The following TBC1D5 variants were observed in gnomAD, a reference collection of about 807,000 sequenced individuals.
TBC1D5 encodes TBC1 domain family member 5.
A neutral mutation model predicts 100.3 loss-of-function variants in TBC1D5; 75 were observed. The ratio of observed to expected loss-of-function variants is 0.75; its 90% confidence interval spans 0.62 to 0.91. The LOEUF is 0.91. Ranked by LOEUF, TBC1D5 falls within the 40% of genes least tolerant of loss-of-function variation. The pLI is 0.00. For synonymous variants in TBC1D5, 323 were observed against 325.6 expected (o/e 0.99, Z 0.09); for missense variants, 910 against 942.4 (o/e 0.97, Z 0.45).
intron 2 of TBC1D5, among the ~76,000 whole-genome samples, chr3:17,509,295 ACAAACAGTCT>A (rs1396503289): frequency 6.6e-6 from 1 of 151,942 alleles, no homozygotes; most frequent in Non-Finnish European, 1.5e-5. Flanking sequence ...GTTCAATACT[ACAAACAGTCT>A]CAAAAATAAA....
chr3:17,572,683 CAT>C (rs1458789859), intron 2 of TBC1D5, among the ~76,000 whole-genome samples: 1 of 152,060 alleles, frequency 6.6e-6, no homozygotes, highest in African/African-American at 2.4e-5. Flanking sequence ...AGGCACATTA[CAT>C]AGAGATGTCA....
At chr3:17,558,234 A>G (rs1576692895) in intron 2 of TBC1D5, among the ~76,000 whole-genome samples, 1 of 152,286 alleles carries the variant, frequency 6.6e-6, no homozygotes, top group Non-Finnish European at 1.5e-5. Context: ...TGATTTCAAC[A>G]ATTTGTTTAC....
At chr3:17,265,288 A>T (rs1298487698) in intron 15 of TBC1D5, among the ~76,000 whole-genome samples, 3 of 152,232 alleles carry the variant, frequency 2.0e-5, no homozygotes, top group Admixed American at 1.3e-4. Context: ...AACAGGAAAA[A>T]ATATTTACAG....
intron 1 of TBC1D5, among the ~76,000 whole-genome samples, chr3:17,643,412 T>G (rs1187097049): frequency 6.6e-6 from 1 of 152,082 alleles, no homozygotes; most frequent in African/African-American, 2.4e-5. Context: ...ATTAAACATC[T>G]CATGAATATA....
chr3:17,430,972 A>C (rs1389484263), intron 3 of TBC1D5, among the ~76,000 whole-genome samples: 2 of 151,966 alleles, frequency 1.3e-5, no homozygotes, highest in South Asian at 2.1e-4. Context: ...ATGATAAAAA[A>C]CATATCTGTA....
At position 17,163,263 on chromosome 3, in the gene TBC1D5, C is replaced by G. The variant is rs867649212; in HGVS notation, c.2095-2007G>C. Among the ~76,000 whole-genome samples, 33 of 75,810 alleles carry G rather than the reference C, an allele frequency of 4.4e-4. No individual in the cohort carries two copies. In the South Asian group the frequency reaches 4.4e-3, roughly 10 times the overall value. The allele number at this position is 75,810 out of a possible 152,430, so 49.7% of individuals were successfully genotyped here. ...GCCATTTTCTTTTATTGACCCCCCCCCCTTCCTTGCCCCTTTGCATTACAG... is the reference window on the plus strand; with the variant it reads ...GCCATTTTCTTTTATTGACCCCCCCGCCTTCCTTGCCCCTTTGCATTACAG... On this transcript the variant is annotated intron_variant, in intron 21 of 21. Coordinates refer to ENST00000253692, the Ensembl canonical transcript of TBC1D5.
At chr3:17,532,282 T>C (rs2096237214) in intron 2 of TBC1D5, among the ~76,000 whole-genome samples, 1 of 151,992 alleles carries the variant, frequency 6.6e-6, no homozygotes. Context: ...AAAACCACAA[T>C]GAGATACCAT....
chr3:17,509,781 A>AAAT (rs2095882137), intron 2 of TBC1D5, among the ~76,000 whole-genome samples: 1 of 152,030 alleles, frequency 6.6e-6, no homozygotes, highest in African/African-American at 2.4e-5. Flanking sequence ...CTGTATCTCC[A>AAAT]GTATAATATC....
intron 13 of TBC1D5, among the ~76,000 whole-genome samples, chr3:17,308,903 A>C (rs2083687494): frequency 6.6e-6 from 1 of 152,070 alleles, no homozygotes; most frequent in Non-Finnish European, 1.5e-5. Flanking sequence ...ACTTTCAATA[A>C]ATGTTAAACT....
At chr3:17,416,477 G>A (rs1364973620) in intron 4 of TBC1D5, among the ~76,000 whole-genome samples, 2 of 152,142 alleles carry the variant, frequency 1.3e-5, no homozygotes, top group East Asian at 3.8e-4. Flanking sequence ...AATTTTTAAA[G>A]TAACAACTAT....
intron 1 of TBC1D5, among the ~76,000 whole-genome samples, chr3:17,703,955 G>T: frequency 2.1e-5 from 3 of 141,468 alleles, no homozygotes; most frequent in South Asian, 2.3e-4. Context: ...ATAATTCTTG[G>T]GTGTTTCTCA....
chr3:17,345,630 T>C (rs1457392645), intron 13 of TBC1D5, among the ~76,000 whole-genome samples: 13 of 151,788 alleles, frequency 8.6e-5, no homozygotes, highest in Admixed American at 1.3e-4. Flanking sequence ...CGTATGTTTA[T>C]TGCGGCACTA....
chr3:17,159,879 C>T (rs978301441), exon 22 of TBC1D5: 1 of 152,232 alleles, frequency 6.6e-6, no homozygotes, highest in East Asian at 1.9e-4. Flanking sequence ...CTCTAGGTAT[C>T]CTTATTCCCC....
At chr3:17,467,827 G>A (rs2095326015) in intron 3 of TBC1D5, among the ~76,000 whole-genome samples, 1 of 151,910 alleles carries the variant, frequency 6.6e-6, no homozygotes, top group Admixed American at 6.6e-5. Flanking sequence ...AACCCGGGAG[G>A]CAGAGATTGC....
chr3:17,594,898 A>G (rs1282502531), intron 2 of TBC1D5, among the ~76,000 whole-genome samples: 1 of 152,166 alleles, frequency 6.6e-6, no homozygotes, highest in African/African-American at 2.4e-5. Flanking sequence ...GATACAAAGT[A>G]TTGATCCTGG....
At chr3:17,474,661 C>T (rs1206754029) in intron 3 of TBC1D5, among the ~76,000 whole-genome samples, 1 of 152,100 alleles carries the variant, frequency 6.6e-6, no homozygotes, top group Non-Finnish European at 1.5e-5. Context: ...AACCAACCAA[C>T]AATTCACACT....
intron 2 of TBC1D5, among the ~76,000 whole-genome samples, chr3:17,606,072 C>A (rs180918478): frequency 6.6e-6 from 1 of 152,284 alleles, no homozygotes; most frequent in African/African-American, 2.4e-5. Flanking sequence ...ACTGCCCACA[C>A]CTCCCCTTCT....
At chr3:17,212,675 C>A (rs1346054017) in intron 18 of TBC1D5, among the ~76,000 whole-genome samples, 1 of 151,528 alleles carries the variant, frequency 6.6e-6, no homozygotes, top group African/African-American at 2.4e-5. Context: ...TGATCCTGAC[C>A]CTGGTTAGGC....
In TBC1D5 at chr3:17,334,782, C is replaced by T. The variant is rs939434087; in HGVS notation, c.996-26648G>A. On this transcript the variant is annotated intron_variant, in intron 13 of 21. Transcript: ENST00000253692. ...CTTTAGATATAATTTCTGGATAAGCCGTTTTCATATTTCCACAGAATTGTA... is the reference window on the plus strand; with the variant it reads ...CTTTAGATATAATTTCTGGATAAGCTGTTTTCATATTTCCACAGAATTGTA... Among the ~76,000 whole-genome samples, 9 of 151,982 alleles carry T rather than the reference C, an allele frequency of 5.9e-5. No homozygotes were observed. The South Asian group carries it at 8.3e-4, about 14-fold the overall frequency.
Sources: allele counts gnomAD v4.1 joint callset (sites outside exome capture counted in the v4.1 genomes callset), GRCh38; gene constraint gnomAD v4.1.1; transcripts MANE v1.5; gene names NCBI Gene and HGNC (gene_info 2026-07-23, HGNC 2026-07-21).